SEL1L2: variants seen among roughly 807,000 people sequenced by gnomAD.
SEL1L2 encodes SEL1L2 adaptor subunit of SYVN1 ubiquitin ligase, also known as protein sel-1 homolog 2.
A neutral mutation model predicts 98.8 loss-of-function variants in SEL1L2; 89 were observed. The observed-to-expected ratio is 0.90, with a 90% CI of 0.76 to 1.07. The LOEUF is 1.07. Among genes scored for constraint, SEL1L2 ranks in the 50% least tolerant of loss-of-function variants. The probability of loss-of-function intolerance (pLI) is 0.00; values close to 1 mark genes in which losing one functional copy is unlikely to be tolerated. For missense variants in SEL1L2, 788 were observed against 812.0 expected, an observed-to-expected ratio of 0.97 and a Z score of 0.36; for synonymous variants, 262 against 278.5, an observed-to-expected ratio of 0.94 and a Z score of 0.59.
At chr20:13,976,591 A>G (rs1254949101) in intron 1 of SEL1L2, among the ~76,000 whole-genome samples, 1 of 152,174 alleles carries the variant, frequency 6.6e-6, no homozygotes, top group Non-Finnish European at 1.5e-5. Context: ...ATCTAATCAC[A>G]TAGGATTTTG....
At chr20:13,870,259 AT>A in intron 12 of SEL1L2, 56 bp from the exon 13 acceptor site, 1 of 1,373,708 alleles carries the variant, frequency 7.3e-7, no homozygotes, top group Non-Finnish European at 1.0e-6. Flanking sequence ...GATAAGGAAA[AT>A]TACTGCAAAA....
intron 1 of SEL1L2, among the ~76,000 whole-genome samples, chr20:13,958,463 CTGTTTATTTTA>C (rs1470896362): frequency 1.3e-5 from 2 of 152,106 alleles, no homozygotes; most frequent in Admixed American, 6.6e-5. Context: ...TTATTACTTG[CTGTTTATTTTA>C]TGTTTATTTT....
chr20:13,908,992 C>T (rs2048101412), intron 5 of SEL1L2, among the ~76,000 whole-genome samples: 1 of 149,072 alleles, frequency 6.7e-6, no homozygotes, highest in South Asian at 2.1e-4. Context: ...AGGGTCCCTA[C>T]CAGACCTCTG....
intron 17 of SEL1L2, among the ~76,000 whole-genome samples, chr20:13,861,366 G>A (rs1044709525): frequency 2.6e-5 from 4 of 151,778 alleles, no homozygotes; most frequent in African/African-American, 4.8e-5. Context: ...GGCTTGTCTC[G>A]AAATCCTGGG....
intron 6 of SEL1L2, 95 bp from the exon 7 acceptor site, chr20:13,888,096 C>T (rs1481752032): frequency 2.0e-6 from 2 of 1,003,102 alleles, no homozygotes; most frequent in Non-Finnish European, 3.0e-6. Flanking sequence ...ATTCCTAGCT[C>T]CATAATGACC....
At chr20:13,872,229 GTCT>G (rs982084519) in intron 12 of SEL1L2, among the ~76,000 whole-genome samples, 20 of 152,154 alleles carry the variant, frequency 1.3e-4, no homozygotes, top group African/African-American at 3.9e-4. Flanking sequence ...TAGTGAGTCT[GTCT>G]TCTTCTAATT....
At chr20:13,955,640 G>C (rs1600909506) in intron 2 of SEL1L2, among the ~76,000 whole-genome samples, 1 of 152,148 alleles carries the variant, frequency 6.6e-6, no homozygotes, top group African/African-American at 2.4e-5. Context: ...GTAAATCATT[G>C]CTGGGTTGAG....
intron 1 of SEL1L2, among the ~76,000 whole-genome samples, chr20:13,967,128 G>A (rs548817281): frequency 1.2e-4 from 18 of 151,674 alleles, no homozygotes; most frequent in Admixed American, 7.9e-4. Flanking sequence ...TGATCCACCC[G>A]CCTCGGCCTC....
At chr20:13,911,464 G>A (rs1223300913) in intron 5 of SEL1L2, among the ~76,000 whole-genome samples, 3 of 152,120 alleles carry the variant, frequency 2.0e-5, no homozygotes, top group Non-Finnish European at 4.4e-5. Flanking sequence ...GTTATCTGTG[G>A]TAACATTTGG....
At chr20:13,994,379 C>T (rs1326401395), upstream of SEL1L2, among the ~76,000 whole-genome samples, 1 of 149,350 alleles carries the variant, frequency 6.7e-6, no homozygotes, top group African/African-American at 2.4e-5. Context: ...TGTCCTACTA[C>T]TAAAAATATT....
intron 5 of SEL1L2, 123 bp from the exon 6 acceptor site, chr20:13,888,635 CT>C (rs71188192): frequency 0.063 from 12,758 of 203,296 alleles, 19 homozygotes; most frequent in Non-Finnish European, 0.078. Context: ...CTTTCTTTCT[CT>C]TTTTTTTTTT....
At chr20:13,874,228 ATGT>A (rs996021552) in intron 12 of SEL1L2, among the ~76,000 whole-genome samples, 5 of 152,190 alleles carry the variant, frequency 3.3e-5, no homozygotes, top group Admixed American at 6.5e-5. Flanking sequence ...AAGACAAAAG[ATGT>A]TGTAAAATGT....
At chr20:13,887,063 G>A (rs1000002052) in intron 8 of SEL1L2, among the ~76,000 whole-genome samples, 1 of 152,002 alleles carries the variant, frequency 6.6e-6, no homozygotes, top group East Asian at 1.9e-4. Flanking sequence ...TTTTTTCTGG[G>A]ACTAAGACTA....
chr20:13,860,332 T>C (rs941219956), intron 17 of SEL1L2, among the ~76,000 whole-genome samples: 1 of 152,216 alleles, frequency 6.6e-6, no homozygotes, highest in Admixed American at 6.5e-5. Flanking sequence ...TCACCTCCCA[T>C]GGACTCTTCA....
intron 17 of SEL1L2, among the ~76,000 whole-genome samples, chr20:13,862,716 CT>C (rs1990350450): frequency 6.6e-6 from 1 of 151,850 alleles, no homozygotes; most frequent in Non-Finnish European, 1.5e-5. Flanking sequence ...GAGACAGAAT[CT>C]CACTCTGTTG....
chr20:13,952,897 C>T (rs1054221000), intron 2 of SEL1L2, among the ~76,000 whole-genome samples: 3 of 152,114 alleles, frequency 2.0e-5, no homozygotes, highest in Admixed American at 2.0e-4. Flanking sequence ...GGTGTGGTGG[C>T]GTGTGCCTGT....
At chr20:13,962,789 G>C (rs1337083267) in intron 1 of SEL1L2, among the ~76,000 whole-genome samples, 1 of 152,144 alleles carries the variant, frequency 6.6e-6, no homozygotes, top group African/African-American at 2.4e-5. Context: ...ATATCGACCA[G>C]GCACAATGGC....
At position 13,940,096 on chromosome 20, in the gene SEL1L2, G is replaced by A. The variant is rs538982646; in HGVS notation, c.115-8325C>T. ...CAGAAGCATTTTCTGATCATATGGA[G>A]CTTCCATTTGTCTGTAAGAAATACA... On this transcript the variant is annotated intron_variant, in intron 2 of 19. Transcript: ENST00000284951. Among the ~76,000 whole-genome samples the A allele has an allele frequency of 2.5e-4, 38 of 152,330 alleles. No individual in the cohort carries two copies. The South Asian group carries it at 6.8e-3, about 27-fold the overall frequency.
At position 13,859,342 on chromosome 20, in the gene SEL1L2, T is replaced by A; in HGVS notation, c.1738A>T (p.Ile580Phe). ...DYQTAATHYS[I>F]AANKYHNAQA... The stretch of plus-strand genomic sequence containing the variant: ...GCGTTGTGGTATTTGTTGGCTGCAA[T>A]GCTGTAGTGTGTGGCTGCTGTTTGA... Residue 580 changes from isoleucine to phenylalanine, a missense_variant, in exon 18 of 20, where the codon ATT becomes TTT. Transcript: ENST00000284951. 1 of 1,614,162 alleles carries A rather than the reference T, an allele frequency of 6.2e-7. No individual in the cohort carries two copies. Among genetic ancestry groups the A allele is most frequent in the Non-Finnish European group, 8.5e-7 (1 of 1,180,014 alleles).
Sources: gnomAD v4.1 joint callset for allele counts (sites outside exome capture counted in the v4.1 genomes callset) on GRCh38, gnomAD v4.1.1 for gene constraint, MANE v1.5 for transcripts, NCBI Gene and HGNC (gene_info 2026-07-23, HGNC 2026-07-21) for gene names.